The following CUBN variants were observed in gnomAD, a reference collection of about 807,000 sequenced individuals.
The protein encoded by CUBN is 460 kDa receptor.
A neutral mutation model predicts 405.3 loss-of-function variants in CUBN; 282 were observed. The observed-to-expected ratio is 0.70, with a 90% CI of 0.63 to 0.77. The LOEUF (loss-of-function observed/expected upper bound fraction) is 0.77, where lower values mean the gene tolerates loss of function less well. Ranked by LOEUF, CUBN falls within the 30% of genes least tolerant of loss-of-function variation. The probability of loss-of-function intolerance (pLI) is 0.00; values close to 1 mark genes in which losing one functional copy is unlikely to be tolerated. For missense variants in CUBN, 4,514 were observed against 4,475.2 expected, an observed-to-expected ratio of 1.01 and a Z score of -0.25; for synonymous variants, 1,684 against 1,617.0, an observed-to-expected ratio of 1.04 and a Z score of -0.99.
In CUBN at chr10:17,103,206, T is replaced by G. The variant is rs1836539436; in HGVS notation, c.1449A>C (p.Gly483=). 1 of 1,613,416 alleles carries G rather than the reference T, an allele frequency of 6.2e-7. No individual in the cohort carries two copies. The highest frequency in any genetic ancestry group is 8.5e-7 in the Non-Finnish European group (1 of 1,179,404). ...VCGESLSGIN[G]SFSYRSPDVG... ...CATCCGGGCTCCTGTAGCTGAAGCT[T>G]CCATTTATTCCTGAGAGGGACTCTC... is the stretch of plus-strand genomic sequence containing the variant. Residue 483 remains glycine (G), a synonymous_variant, in exon 13 of 67, where the codon GGA becomes GGC. Coordinates refer to ENST00000377833, the MANE Select transcript of CUBN (RefSeq NM_001081.4).
chr10:16,829,420 T>C (rs1209869353), intron 65 of CUBN, among the ~76,000 whole-genome samples: 3 of 151,344 alleles, frequency 2.0e-5, no homozygotes, highest in Non-Finnish European at 4.4e-5. Flanking sequence ...TTCGATGGTG[T>C]AGAGATCTTT....
chr10:16,918,559 C>G (rs1295013802), intron 45 of CUBN, 63 bp downstream of exon 45: 1 of 1,264,834 alleles, frequency 7.9e-7, no homozygotes, highest in Non-Finnish European at 1.1e-6. Flanking sequence ...ACGAATTTAC[C>G]TATATAACAA....
chr10:16,989,836 T>A (rs1588556232), intron 29 of CUBN, among the ~76,000 whole-genome samples: 1 of 152,206 alleles, frequency 6.6e-6, no homozygotes, highest in African/African-American at 2.4e-5. Context: ...TGGTAGGCCA[T>A]CCCTGTGCTT....
At chr10:16,890,246 G>A in intron 55 of CUBN, 125 bp downstream of exon 55, 2 of 848,978 alleles carry the variant, frequency 2.4e-6, no homozygotes, top group South Asian at 1.4e-5. Flanking sequence ...TTGGGATTAG[G>A]TGACTCATCC....
intron 27 of CUBN, among the ~76,000 whole-genome samples, chr10:17,039,527 T>A (rs1384745472): frequency 6.6e-6 from 1 of 152,176 alleles, no homozygotes; most frequent in Non-Finnish European, 1.5e-5. Context: ...ACTGCTGTGT[T>A]CACGGTATAA....
intron 22 of CUBN, among the ~76,000 whole-genome samples, chr10:17,054,309 C>A (rs1392020235): frequency 9.6e-5 from 12 of 124,672 alleles, no homozygotes; most frequent in Admixed American, 1.9e-4. Context: ...CCAGCCTGGG[C>A]AACGAGAGTG....
In CUBN at chr10:16,831,737, C is replaced by T. The variant is rs2603805; in HGVS notation, c.10363-320G>A. On this transcript the variant is annotated intron_variant, in intron 64 of 66. Transcript: ENST00000377833. Reference sequence around the variant, plus strand: ...CAGCCTTTGCTTTTGGGGAAACATTCTGGAGAATGTAGGTAAAGTGAATTT... The same window carrying T: ...CAGCCTTTGCTTTTGGGGAAACATTTTGGAGAATGTAGGTAAAGTGAATTT... Among the ~76,000 whole-genome samples, 28,823 of 151,966 alleles carry T rather than the reference C, an allele frequency of 0.19. 2,884 individuals are homozygous for T. Among genetic ancestry groups the T allele is most frequent in the East Asian group, 0.29 (1,510 of 5,148 alleles).
intron 28 of CUBN, among the ~76,000 whole-genome samples, chr10:16,993,514 A>C (rs1390237871): frequency 1.3e-5 from 2 of 151,740 alleles, no homozygotes; most frequent in African/African-American, 4.8e-5. Context: ...ATTACAGTAT[A>C]GTTATATGGA....
intron 45 of CUBN, among the ~76,000 whole-genome samples, chr10:16,917,587 T>A (rs548159546): frequency 1.4e-4 from 21 of 152,280 alleles, no homozygotes; most frequent in African/African-American, 5.1e-4. Context: ...AAACCATGGA[T>A]AAGAGAGAAC....
rs184080210 is a variant in CUBN, at chr10:16,851,162, C to T, written c.9663+73G>A. 215 of 1,264,266 alleles carry T rather than the reference C, an allele frequency of 1.7e-4. 1 individual carries two copies. The Admixed American group carries it at 2.5e-3, about 15-fold the overall frequency. The allele number at this position is 1,264,266 out of a possible 1,614,324, so 78.3% of individuals were successfully genotyped here. A position where few individuals can be genotyped will look rare whatever the true frequency, so the allele number is the denominator to read the frequency against. ...TCAAAATTAGCAGGACTTCCTGTAA[C>T]GATATAAACTGGAATACACTATATT... On this transcript the variant is annotated intron_variant, in intron 60 of 66. Transcript: ENST00000377833.
intron 31 of CUBN, among the ~76,000 whole-genome samples, chr10:16,970,625 T>G (rs1430229414): frequency 6.6e-6 from 1 of 151,676 alleles, no homozygotes; most frequent in Non-Finnish European, 1.5e-5. Flanking sequence ...CTAAATTTAT[T>G]TTCTCCCTCT....
intron 27 of CUBN, among the ~76,000 whole-genome samples, chr10:17,036,185 G>A (rs775305613): frequency 5.9e-5 from 9 of 152,138 alleles, no homozygotes; most frequent in Non-Finnish European, 1.2e-4. Context: ...TTGCTGTCGA[G>A]CTCAAACACA....
rs753445324 is a variant in CUBN at position 17,129,112 on chromosome 10, G to A, written c.252+9C>T. The A allele has an allele frequency of 1.9e-6, 3 of 1,608,180 alleles. No individual in the cohort carries two copies. The highest frequency in any genetic ancestry group is 2.2e-5 in the East Asian group (1 of 44,814). On this transcript the variant is annotated intron_variant, in intron 2 of 66. Coordinates refer to ENST00000377833, the MANE Select transcript of CUBN (RefSeq NM_001081.4). ...ACAAAATGACTTCAATATATTTCCA[G>A]TGTATTACCTGATGTAAACACTCAC...
intron 50 of CUBN, among the ~76,000 whole-genome samples, chr10:16,904,886 A>G (rs74116758): frequency 0.033 from 5,014 of 152,308 alleles, 284 homozygotes; most frequent in African/African-American, 0.11. Flanking sequence ...CATGGAGAAC[A>G]TTCTCAAACC....
chr10:16,826,231 C>A (rs1319424917), intron 66 of CUBN, among the ~76,000 whole-genome samples: 2 of 152,078 alleles, frequency 1.3e-5, no homozygotes, highest in African/African-American at 4.8e-5. Context: ...TAAGGAGCTA[C>A]CTCTGTATGT....
chr10:16,912,788 G>C (rs936281871), intron 48 of CUBN, among the ~76,000 whole-genome samples: 5 of 152,174 alleles, frequency 3.3e-5, no homozygotes, highest in Non-Finnish European at 7.3e-5. Context: ...AGGGGCAGCA[G>C]ATAATGTCAG....
rs7091547 is a variant in CUBN at position 17,040,801 on chromosome 10, T to C, written c.4017+232A>G. ...TCCATGTAAGTTAAGTAATATGAGG[T>C]CAATGAGTCCAGAAGTTACACTGAA... On this transcript the variant is annotated intron_variant, in intron 27 of 66. Transcript: ENST00000377833. 0.065 allele frequency among the ~76,000 whole-genome samples: 9,887 copies of C among 152,160 alleles called. 838 individuals carry two copies. Among genetic ancestry groups the C allele is most frequent in the African/African-American group, 0.19 (7,969 of 41,468 alleles).
chr10:17,025,853 T>C (rs750304505), intron 27 of CUBN, among the ~76,000 whole-genome samples: 8 of 152,098 alleles, frequency 5.3e-5, no homozygotes, highest in Non-Finnish European at 1.2e-4. Context: ...CGAATCATCC[T>C]GTGTGGGGTG....
chr10:17,097,728 A>T (rs1348987408), intron 14 of CUBN, among the ~76,000 whole-genome samples: 1 of 152,128 alleles, frequency 6.6e-6, no homozygotes, highest in Non-Finnish European at 1.5e-5. Context: ...AAAATCAATC[A>T]ATTTAACTCA....
Sources: gnomAD v4.1 joint callset for allele counts (sites outside exome capture counted in the v4.1 genomes callset) on GRCh38, gnomAD v4.1.1 for gene constraint, MANE v1.5 for transcripts, NCBI Gene and HGNC (gene_info 2026-07-23, HGNC 2026-07-21) for gene names.